The following DLG2 variants were observed in gnomAD, a reference collection of about 807,000 sequenced individuals.
The protein encoded by DLG2 is disks large homolog 2.
A neutral mutation model predicts 132.5 loss-of-function variants in DLG2; 45 were observed. That is an observed-to-expected ratio of 0.34 (90% confidence interval 0.27 to 0.44). The LOEUF (loss-of-function observed/expected upper bound fraction) is 0.44. DLG2 is among the 20% of genes least tolerant of loss of function. The pLI is 1.00. For missense variants in DLG2, 1,045 were observed against 1,196.9 expected, an observed-to-expected ratio of 0.87 and a Z score of 1.87; for synonymous variants, 424 against 419.6, an observed-to-expected ratio of 1.01 and a Z score of -0.13.
intron 7 of DLG2, among the ~76,000 whole-genome samples, chr11:84,518,320 G>A (rs558920103): frequency 5.9e-5 from 9 of 151,998 alleles, no homozygotes; most frequent in South Asian, 4.2e-4. Context: ...AGCTGGGATT[G>A]ACAGAGAAAC....
chr11:84,797,894 C>T (rs1319218822), intron 6 of DLG2, among the ~76,000 whole-genome samples: 1 of 152,196 alleles, frequency 6.6e-6, no homozygotes, highest in Non-Finnish European at 1.5e-5. Flanking sequence ...GGGCCCCAAT[C>T]TCAGTAATGC....
chr11:85,370,754 G>T (rs995044796), intron 3 of DLG2, among the ~76,000 whole-genome samples: 7 of 152,100 alleles, frequency 4.6e-5, no homozygotes, highest in Non-Finnish European at 1.0e-4. Flanking sequence ...ACTTCAGAGG[G>T]CCCCTGACGT....
At chr11:84,036,941 A>G (rs1006856189) in intron 11 of DLG2, among the ~76,000 whole-genome samples, 9 of 152,180 alleles carry the variant, frequency 5.9e-5, no homozygotes, top group Non-Finnish European at 8.8e-5. Context: ...CATGCAAAGT[A>G]CAATGCTTCT....
intron 6 of DLG2, among the ~76,000 whole-genome samples, chr11:84,581,837 G>A (rs2099517064): frequency 6.6e-6 from 1 of 150,928 alleles, no homozygotes; most frequent in African/African-American, 2.4e-5. Flanking sequence ...AACCCGGGAG[G>A]CGGAGGTTGC....
intron 18 of DLG2, among the ~76,000 whole-genome samples, chr11:83,738,162 G>C (rs1488996405): frequency 2.0e-5 from 3 of 152,048 alleles, no homozygotes; most frequent in Non-Finnish European, 2.9e-5. Context: ...GTTTTCCAGG[G>C]GGAGTTAAAC....
At chr11:84,950,795 T>C (rs1194151787) in intron 6 of DLG2, among the ~76,000 whole-genome samples, 1 of 152,000 alleles carries the variant, frequency 6.6e-6, no homozygotes, top group Non-Finnish European at 1.5e-5. Context: ...TGTGAGTATA[T>C]ATGTACACAT....
At chr11:83,784,934 T>C (rs996761585) in intron 18 of DLG2, among the ~76,000 whole-genome samples, 3 of 152,144 alleles carry the variant, frequency 2.0e-5, no homozygotes, top group African/African-American at 7.2e-5. Flanking sequence ...AGTTTGAGAC[T>C]GAAAAAAACA....
At chr11:84,767,079 A>G (rs1308594892) in intron 6 of DLG2, among the ~76,000 whole-genome samples, 2 of 152,152 alleles carry the variant, frequency 1.3e-5, no homozygotes, top group East Asian at 3.9e-4. Context: ...CAGTTTTCTT[A>G]TCTTTAAAAG....
At chr11:85,524,999 A>ACTTC (rs1166283693) in intron 3 of DLG2, 6 of 152,144 alleles carry the variant, frequency 3.9e-5, no homozygotes, top group Admixed American at 6.5e-5. Context: ...ACCTGGTATA[A>ACTTC]CTTCCTTCCT....
At chr11:84,649,045 G>T (rs116402576) in intron 6 of DLG2, among the ~76,000 whole-genome samples, 35 of 151,954 alleles carry the variant, frequency 2.3e-4, no homozygotes, top group Admixed American at 1.2e-3. Flanking sequence ...GACATATAGG[G>T]TTTTCCTCGA....
chr11:85,397,105 G>T (rs2087466507), intron 3 of DLG2, among the ~76,000 whole-genome samples: 1 of 152,210 alleles, frequency 6.6e-6, no homozygotes, highest in African/African-American at 2.4e-5. Context: ...CAAGCCAGAA[G>T]AGAGCAGGGG....
At chr11:85,609,507 G>C (rs911017968) in intron 2 of DLG2, among the ~76,000 whole-genome samples, 11 of 152,108 alleles carry the variant, frequency 7.2e-5, no homozygotes, top group African/African-American at 2.7e-4. Flanking sequence ...CACTCGGTAG[G>C]GCTTGTTATC....
At chr11:84,543,955 G>A (rs915172496) in intron 6 of DLG2, among the ~76,000 whole-genome samples, 12 of 152,288 alleles carry the variant, frequency 7.9e-5, no homozygotes, top group African/African-American at 2.2e-4. Flanking sequence ...TCCAAGCAAC[G>A]TCAGATATTT....
chr11:85,091,032 T>G (rs563796781), intron 6 of DLG2, among the ~76,000 whole-genome samples: 1 of 152,126 alleles, frequency 6.6e-6, no homozygotes, highest in Non-Finnish European at 1.5e-5. Flanking sequence ...TGGGAACTAA[T>G]AGAGCAAGAA....
intron 6 of DLG2, among the ~76,000 whole-genome samples, chr11:84,690,589 A>T (rs1411893422): frequency 6.6e-6 from 1 of 151,930 alleles, no homozygotes; most frequent in Admixed American, 6.6e-5. Context: ...TTTCCCCAAG[A>T]TATATGTATC....
intron 18 of DLG2, among the ~76,000 whole-genome samples, chr11:83,715,734 C>G (rs1049632376): frequency 6.6e-6 from 1 of 152,154 alleles, no homozygotes; most frequent in Non-Finnish European, 1.5e-5. Context: ...AATCCAGGCC[C>G]GACCAGATAC....
intron 11 of DLG2, among the ~76,000 whole-genome samples, chr11:83,984,237 A>C (rs1157154355): frequency 6.7e-6 from 1 of 148,320 alleles, no homozygotes; most frequent in Non-Finnish European, 1.5e-5. Flanking sequence ...TAGATAGATA[A>C]AAATCGAGTA....
chr11:84,570,705 T>C (rs2099479544), intron 6 of DLG2, among the ~76,000 whole-genome samples: 1 of 152,208 alleles, frequency 6.6e-6, no homozygotes, highest in African/African-American at 2.4e-5. Context: ...GACAGTTCCT[T>C]GATTTCCATT....
chr11:84,807,407 T>C (rs1388715691), intron 6 of DLG2, among the ~76,000 whole-genome samples: 2 of 151,858 alleles, frequency 1.3e-5, no homozygotes, highest in Non-Finnish European at 2.9e-5. Context: ...GATTGTGCCA[T>C]TGCACTCCAG....
Sources: allele counts gnomAD v4.1 joint callset (sites outside exome capture counted in the v4.1 genomes callset), GRCh38; gene constraint gnomAD v4.1.1; transcripts MANE v1.5; gene names NCBI Gene and HGNC (gene_info 2026-07-23, HGNC 2026-07-21).